Variants in DOCK1 observed in about 807,000 individuals in gnomAD.
DOCK1 encodes the protein dedicator of cytokinesis 1, also known as dedicator of cytokinesis protein 1.
In DOCK1, 138 loss-of-function variants were observed where a neutral mutation model predicts 262.7. The ratio of observed to expected loss-of-function variants is 0.53; its 90% CI spans 0.46 to 0.61. The LOEUF (loss-of-function observed/expected upper bound fraction) is 0.61. DOCK1 is among the 20% of genes least tolerant of loss of function. The probability of loss-of-function intolerance (pLI) is 0.00; values close to 1 mark genes in which losing one functional copy is unlikely to be tolerated. For synonymous variants in DOCK1, 866 were observed against 867.4 expected (o/e 1.00, Z 0.03); for missense variants, 1,908 against 2,370.7 (o/e 0.80, Z 4.05).
chr10:127,354,751 A>G (rs754115035), intron 32 of DOCK1, 24 bp downstream of exon 32: 24 of 1,613,576 alleles, frequency 1.5e-5, no homozygotes, highest in Middle Eastern at 1.6e-4. Context: ...ATGTGGGGGC[A>G]TAGTGAATAT....
intron 27 of DOCK1, among the ~76,000 whole-genome samples, chr10:127,243,881 C>T (rs931185478): frequency 1.6e-4 from 24 of 152,156 alleles, no homozygotes; most frequent in Admixed American, 3.9e-4. Flanking sequence ...ACAATCTGGG[C>T]TTAGTCTCCC....
chr10:126,912,980 C>T (rs1015184049), intron 1 of DOCK1, among the ~76,000 whole-genome samples: 2 of 146,362 alleles, frequency 1.4e-5, no homozygotes, highest in South Asian at 4.5e-4. Flanking sequence ...TCTTTAGTGG[C>T]CTTTGAATTT....
At chr10:126,915,145 A>G (rs978767566) in intron 1 of DOCK1, among the ~76,000 whole-genome samples, 4 of 152,098 alleles carry the variant, frequency 2.6e-5, no homozygotes, top group South Asian at 2.1e-4. Context: ...GTTCCTATTG[A>G]TGCTTATTTT....
chr10:127,074,035 T>G (rs1480262398), intron 23 of DOCK1, among the ~76,000 whole-genome samples: 1 of 152,184 alleles, frequency 6.6e-6, no homozygotes, highest in Non-Finnish European at 1.5e-5. Context: ...GAGAAACATG[T>G]CAACTACCAC....
chr10:127,363,791 C>G (rs559059080), intron 33 of DOCK1, among the ~76,000 whole-genome samples: 1 of 152,096 alleles, frequency 6.6e-6, no homozygotes, highest in Non-Finnish European at 1.5e-5. Flanking sequence ...AAGAGAGATA[C>G]GAAACCAAAA....
At chr10:127,420,754 G>A (rs7920703) in intron 46 of DOCK1, among the ~76,000 whole-genome samples, 4 of 151,694 alleles carry the variant, frequency 2.6e-5, no homozygotes, top group South Asian at 2.1e-4. Context: ...CAGGAGAATC[G>A]CTTGAACCCG....
chr10:127,363,459 ACC>A (rs1410650810), intron 33 of DOCK1, among the ~76,000 whole-genome samples: 1 of 152,116 alleles, frequency 6.6e-6, no homozygotes, highest in Non-Finnish European at 1.5e-5. Context: ...ACAGAGCCAG[ACC>A]CTGTCTCTAA....
intron 25 of DOCK1, among the ~76,000 whole-genome samples, chr10:127,123,551 C>A (rs973042982): frequency 2.6e-5 from 4 of 152,186 alleles, no homozygotes; most frequent in Non-Finnish European, 5.9e-5. Flanking sequence ...TTAAGGTCAG[C>A]AGCTCAAGAG....
intron 1 of DOCK1, among the ~76,000 whole-genome samples, chr10:126,963,037 A>T (rs1253745647): frequency 6.6e-6 from 1 of 152,146 alleles, no homozygotes; most frequent in African/African-American, 2.4e-5. Flanking sequence ...TTGACTTTCT[A>T]TGTGAGGGTT....
At chr10:127,002,004 C>T (rs1003289368) in intron 10 of DOCK1, among the ~76,000 whole-genome samples, 26 of 152,210 alleles carry the variant, frequency 1.7e-4, no homozygotes, top group Non-Finnish European at 7.3e-5. Flanking sequence ...ACCACAGGCA[C>T]ATGCCGTGCT....
intron 29 of DOCK1, among the ~76,000 whole-genome samples, chr10:127,319,369 ATT>A (rs1446829685): frequency 1.3e-5 from 2 of 152,252 alleles, no homozygotes; most frequent in African/African-American, 2.4e-5. Flanking sequence ...AATCCAATAT[ATT>A]TTAATCTCTG....
chr10:127,154,785 T>C (rs2890091), intron 27 of DOCK1, among the ~76,000 whole-genome samples: 32,470 of 152,028 alleles, frequency 0.21, 4,177 homozygotes, highest in South Asian at 0.29. Context: ...ATAATAATGA[T>C]CTTGGGGTCT....
intron 14 of DOCK1, among the ~76,000 whole-genome samples, chr10:127,023,960 C>T (rs764525789): frequency 8.5e-5 from 13 of 152,216 alleles, no homozygotes; most frequent in Non-Finnish European, 1.6e-4. Context: ...ACAGCCAGAG[C>T]TCTGACCTCG....
At position 126,980,541 on chromosome 10, in the gene DOCK1, C is replaced by T. The variant is rs74970187; in HGVS notation, c.172-1377C>T. On this transcript the variant is annotated intron_variant, in intron 3 of 51. Coordinates refer to ENST00000623213, the MANE Select transcript of DOCK1 (RefSeq NM_001290223.2). ...GCTCAGCCTCTGACTCTCTGCCTGA[C>T]GCCTTCCCTCTCTGTGATAATTCTT... 9.0e-3 allele frequency among the ~76,000 whole-genome samples: 1,364 copies of T among 152,206 alleles called. 19 individuals carry two copies. The highest frequency in any genetic ancestry group is 0.031 in the African/African-American group (1,281 of 41,512).
chr10:126,964,348 A>G (rs930411378), intron 1 of DOCK1, among the ~76,000 whole-genome samples: 38 of 152,194 alleles, frequency 2.5e-4, no homozygotes, highest in African/African-American at 7.0e-4. Flanking sequence ...GCAGGGGCCT[A>G]TGGAGGCTTA....
At chr10:127,145,763 T>G (rs893798863) in intron 27 of DOCK1, among the ~76,000 whole-genome samples, 3 of 152,184 alleles carry the variant, frequency 2.0e-5, no homozygotes, top group Non-Finnish European at 4.4e-5. Context: ...CTAGATGTGG[T>G]CAGGAGCTCC....
chr10:126,921,090 C>T (rs967817186), intron 1 of DOCK1, among the ~76,000 whole-genome samples: 8 of 151,462 alleles, frequency 5.3e-5, no homozygotes, highest in African/African-American at 1.7e-4. Context: ...ATACCAGCTA[C>T]TGGGGAGGCT....
Position 126,995,980 on chromosome 10 carries a change from C to T in DOCK1, c.474-768C>T, listed in dbSNP as rs570380181. 1.3e-5 allele frequency among the ~76,000 whole-genome samples: 2 copies of T among 152,234 alleles called. No individual in the cohort carries two copies. Among genetic ancestry groups the T allele is most frequent in the South Asian group, 4.1e-4 (2 of 4,822 alleles). ...CTCCTCCAAGTTTTCTTCCCTCTCT[C>T]CTTCCTCAACTCTCTGATGATGTCA... is the stretch of plus-strand genomic sequence containing the variant. On this transcript the variant is annotated intron_variant, in intron 6 of 51. Coordinates refer to ENST00000623213, the MANE Select transcript of DOCK1 (RefSeq NM_001290223.2). The surrounding 1 kb of genome is among the most constrained non-coding windows in gnomAD (Gnocchi z 5.8).
intron 32 of DOCK1, among the ~76,000 whole-genome samples, chr10:127,361,825 G>A (rs2064468842): frequency 6.6e-6 from 1 of 152,124 alleles, no homozygotes; most frequent in Admixed American, 6.5e-5. Flanking sequence ...ATGATTACAG[G>A]CTTATACCGC....
Sources: gnomAD v4.1 joint callset for allele counts (sites outside exome capture counted in the v4.1 genomes callset) on GRCh38, gnomAD v4.1.1 for gene constraint, Gnocchi (gnomAD v3.1) non-coding constraint, MANE v1.5 for transcripts, NCBI Gene and HGNC (gene_info 2026-07-23, HGNC 2026-07-21) for gene names.